Variants in DAPK1 observed in about 807,000 individuals in gnomAD.
DAPK1 encodes the protein death-associated protein kinase 1.
In DAPK1, 56 loss-of-function variants were observed where a neutral mutation model predicts 144.9. The observed-to-expected ratio is 0.39, with a 90% confidence interval of 0.31 to 0.48. DAPK1 has a LOEUF of 0.48. DAPK1 is among the 20% of genes least tolerant of loss of function. The pLI, the probability that DAPK1 is intolerant of heterozygous loss-of-function variation, is 0.95. For missense variants in DAPK1, 1,454 were observed against 1,875.4 expected (o/e 0.78, Z 4.15); for synonymous variants, 690 against 749.0 (o/e 0.92, Z 1.29).
At chr9:87,518,254 G>T (rs546760519) in intron 2 of DAPK1, among the ~76,000 whole-genome samples, 1 of 151,106 alleles carries the variant, frequency 6.6e-6, no homozygotes, top group Non-Finnish European at 1.5e-5. Flanking sequence ...TGGGATTACA[G>T]GCGTGCCCCA....
intron 3 of DAPK1, among the ~76,000 whole-genome samples, chr9:87,615,774 G>A (rs1318382202): frequency 1.3e-5 from 2 of 152,222 alleles, no homozygotes; most frequent in Middle Eastern, 3.2e-3. Context: ...TAGGAGAGTG[G>A]TGTTACCACC....
chr9:87,696,259 G>A (rs920074724), intron 21 of DAPK1, among the ~76,000 whole-genome samples: 1 of 152,126 alleles, frequency 6.6e-6, no homozygotes, highest in African/African-American at 2.4e-5. Flanking sequence ...CAGGGTATTA[G>A]AAGTAGTCAT....
At chr9:87,610,419 G>A (rs149806509) in intron 3 of DAPK1, among the ~76,000 whole-genome samples, 38 of 152,290 alleles carry the variant, frequency 2.5e-4, no homozygotes, top group Non-Finnish European at 4.7e-4. Flanking sequence ...TTCATAACTC[G>A]CCTTGTTATC....
intron 16 of DAPK1, among the ~76,000 whole-genome samples, chr9:87,651,078 A>G (rs972745577): frequency 1.3e-5 from 2 of 152,238 alleles, no homozygotes; most frequent in Non-Finnish European, 2.9e-5. Context: ...CTTCTCATTT[A>G]TATGACAGCC....
chr9:87,559,828 G>A (rs141489552), intron 2 of DAPK1, among the ~76,000 whole-genome samples: 191 of 152,164 alleles, frequency 1.3e-3, no homozygotes, highest in African/African-American at 4.5e-3. Flanking sequence ...GCCCCAGTGA[G>A]TGACCCAGTG....
At chr9:87,675,011 C>T (rs531780801) in intron 19 of DAPK1, among the ~76,000 whole-genome samples, 23 of 152,282 alleles carry the variant, frequency 1.5e-4, no homozygotes, top group African/African-American at 4.3e-4. Context: ...TGAACAAAAT[C>T]GGCAGAACCC....
chr9:87,641,426 C>T (rs938850051), intron 9 of DAPK1, among the ~76,000 whole-genome samples: 4 of 152,170 alleles, frequency 2.6e-5, no homozygotes, highest in Non-Finnish European at 4.4e-5. Context: ...AAGAAGTGAA[C>T]ATCACAGAAT....
At chr9:87,591,346 G>T (rs531253214) in intron 2 of DAPK1, among the ~76,000 whole-genome samples, 2 of 152,222 alleles carry the variant, frequency 1.3e-5, no homozygotes, top group African/African-American at 4.8e-5. Context: ...CATGTAGACT[G>T]CCCTGGGCCA....
Position 87,703,043 on chromosome 9 carries a change from G to C in DAPK1, c.2886G>C (p.Met962Ile). The part of the protein sequence containing the change: ...RSQIVSVCPP[M>I]THLCEKIIST... Reference sequence around the variant, plus strand: ...GCCCCCTCTAGGTCTGTCCTCCCATGACTCACCTGTGTGAGAAAATCATCT... The same window carrying C: ...GCCCCCTCTAGGTCTGTCCTCCCATCACTCACCTGTGTGAGAAAATCATCT... Residue 962 changes from methionine to isoleucine, a missense_variant, in exon 25 of 26, where the codon ATG (methionine) becomes ATC (isoleucine). Met to Ile is a conservative substitution (Grantham distance 10). Around this residue, in one of 2 missense-constraint regions of DAPK1, gnomAD observed 1,025 missense variants for 1,237.9 expected, o/e 0.83. Coordinates refer to ENST00000408954, the MANE Select transcript of DAPK1 (RefSeq NM_004938.4). The C allele has an allele frequency of 6.3e-7, 1 of 1,579,950 alleles. No individual in the cohort carries two copies. Among genetic ancestry groups the C allele is most frequent in the Non-Finnish European group, 8.7e-7 (1 of 1,149,012 alleles).
intron 2 of DAPK1, among the ~76,000 whole-genome samples, chr9:87,547,367 C>G (rs1449462237): frequency 6.6e-6 from 1 of 152,124 alleles, no homozygotes; most frequent in Non-Finnish European, 1.5e-5. Flanking sequence ...GTTCAAAAGA[C>G]CTTTGCACAG....
At chr9:87,517,424 C>T (rs1239418875) in intron 2 of DAPK1, among the ~76,000 whole-genome samples, 3 of 152,100 alleles carry the variant, frequency 2.0e-5, no homozygotes, top group Non-Finnish European at 4.4e-5. Flanking sequence ...AGCACTGAGA[C>T]TCCCCACTGT....
intron 2 of DAPK1, among the ~76,000 whole-genome samples, chr9:87,534,650 CT>C (rs546312068): frequency 5.9e-4 from 86 of 145,290 alleles, no homozygotes; most frequent in African/African-American, 1.0e-3. Context: ...GATTTCTTTT[CT>C]TTTTTTTTTT....
chr9:87,563,761 G>A (rs1056922619), intron 2 of DAPK1, among the ~76,000 whole-genome samples: 6 of 152,178 alleles, frequency 3.9e-5, no homozygotes, highest in African/African-American at 1.4e-4. Flanking sequence ...ACATGTGGCT[G>A]AGCCTAGCCA....
intron 19 of DAPK1, among the ~76,000 whole-genome samples, chr9:87,671,905 G>A (rs1824176949): frequency 6.6e-6 from 1 of 152,138 alleles, no homozygotes; most frequent in African/African-American, 2.4e-5. Flanking sequence ...TTATGTAGAA[G>A]CAAAGTACAG....
chr9:87,652,119 G>C (rs1187388769), intron 17 of DAPK1, among the ~76,000 whole-genome samples: 33 of 148,410 alleles, frequency 2.2e-4, no homozygotes, highest in African/African-American at 7.1e-4. Context: ...CCTGGGTCCT[G>C]ATTCTGTGTC....
Position 87,706,243 on chromosome 9 carries a change from C to T in DAPK1, c.3172C>T (p.His1058Tyr), listed in dbSNP as rs776064946. ...LLSVETPRALHHYRGRYTVED... is the reference protein window; with the variant it reads ...LLSVETPRALYHYRGRYTVED... ...GTCCGTGGAGACCCCACGGGCGCTGCACCACTACCGGGGCCGCTACACCGT... is the reference window on the plus strand; with the variant it reads ...GTCCGTGGAGACCCCACGGGCGCTGTACCACTACCGGGGCCGCTACACCGT... Residue 1058 changes from histidine to tyrosine, a missense_variant, in exon 26 of 26, where the codon CAC becomes TAC. By Grantham distance (83) the His-to-Tyr change is moderately conservative. Coordinates refer to ENST00000408954, the MANE Select transcript of DAPK1 (RefSeq NM_004938.4). This position sits in a 1 kb window ranked among gnomAD's most constrained non-coding sequence, Gnocchi z 9.0. The T allele has an allele frequency of 1.2e-6, 2 of 1,613,740 alleles. No homozygotes were observed. Among genetic ancestry groups the T allele is most frequent in the Non-Finnish European group, 1.7e-6 (2 of 1,179,652 alleles).
intron 17 of DAPK1, among the ~76,000 whole-genome samples, chr9:87,655,820 A>G (rs1830610583): frequency 6.6e-6 from 1 of 152,208 alleles, no homozygotes; most frequent in South Asian, 2.1e-4. Context: ...GGTGCTTCCC[A>G]TAAGGACAGA....
At chr9:87,652,892 C>A (rs1241738479) in intron 17 of DAPK1, among the ~76,000 whole-genome samples, 3 of 103,354 alleles carry the variant, frequency 2.9e-5, no homozygotes, top group South Asian at 4.1e-4. Flanking sequence ...CTGTGTGCTC[C>A]CACCTGATCC....
At chr9:87,638,432 T>A (rs1037558050) in intron 4 of DAPK1, among the ~76,000 whole-genome samples, 1 of 152,100 alleles carries the variant, frequency 6.6e-6, no homozygotes, top group Admixed American at 6.5e-5. Context: ...AGATAGAAAA[T>A]GTGTTGAGTG....
Sources: allele counts gnomAD v4.1 joint callset (sites outside exome capture counted in the v4.1 genomes callset), GRCh38; gene constraint gnomAD v4.1.1; regional missense constraint gnomAD v4.1.1; non-coding constraint Gnocchi (gnomAD v3.1); transcripts MANE v1.5; gene names NCBI Gene and HGNC (gene_info 2026-07-23, HGNC 2026-07-21).